PRRC2C: variants seen among roughly 807,000 people sequenced by gnomAD.
The protein encoded by PRRC2C is protein PRRC2C.
Under a neutral mutation model 317.2 loss-of-function variants are expected in PRRC2C, and 72 were observed. The ratio of observed to expected loss-of-function variants is 0.23; its 90% CI spans 0.19 to 0.28. The LOEUF (loss-of-function observed/expected upper bound fraction) is 0.28. Among genes scored for constraint, PRRC2C ranks in the 10% least tolerant of loss-of-function variants. The pLI, the probability that PRRC2C is intolerant of heterozygous loss-of-function variation, is 1.00. For missense variants in PRRC2C, 3,074 were observed against 3,459.7 expected, an observed-to-expected ratio of 0.89 and a Z score of 2.80; for synonymous variants, 1,296 against 1,205.9, an observed-to-expected ratio of 1.07 and a Z score of -1.55.
intron 18 of PRRC2C, among the ~76,000 whole-genome samples, chr1:171,552,559 T>G (rs1260863186): frequency 1.3e-5 from 2 of 152,216 alleles, no homozygotes; most frequent in African/African-American, 4.8e-5. Context: ...AAGAGAATGC[T>G]TCCAGTTTTT....
At chr1:171,579,206 CTT>C in intron 26 of PRRC2C, 146 bp from the exon 27 acceptor site, 3 of 1,111,576 alleles carry the variant, frequency 2.7e-6, no homozygotes, top group Non-Finnish European at 3.7e-6. Flanking sequence ...ACATTTGCAT[CTT>C]GTCACGTTTT....
chr1:171,504,007 A>C (rs1669682349), intron 1 of PRRC2C, among the ~76,000 whole-genome samples: 1 of 152,206 alleles, frequency 6.6e-6, no homozygotes, highest in East Asian at 1.9e-4. Context: ...CTCCCATGAC[A>C]TGTGGGAATT....
rs117742882 is a variant in PRRC2C, at chr1:171,550,679, C to G, written c.5127+439C>G. On this transcript the variant is annotated intron_variant, in intron 18 of 34. Transcript: ENST00000647382. The stretch of plus-strand genomic sequence containing the variant: ...TCCCTGCCCTGTGTGCAAGTGTTCT[C>G]GTTGTTCAGTTCCTACCTATGAGTG... Among the ~76,000 whole-genome samples, 49 of 145,892 alleles carry G rather than the reference C, an allele frequency of 3.4e-4. No homozygotes were observed. The East Asian group carries it at 8.8e-3, about 26-fold the overall frequency.
rs1203368045 is a variant in PRRC2C at position 171,593,436 on chromosome 1, C to A, written c.*1589C>A. The A allele has an allele frequency of 6.6e-6, 1 of 151,876 alleles. No homozygotes were observed. Among genetic ancestry groups the A allele is most frequent in the African/African-American group, 2.4e-5 (1 of 41,344 alleles). The allele number at this position is 151,876 out of a possible 1,614,324, so 9.4% of individuals were successfully genotyped here. A position where few individuals can be genotyped will look rare whatever the true frequency, so the allele number is the denominator to read the frequency against. On this transcript the variant is annotated 3_prime_UTR_variant, in exon 35 of 35. Transcript: ENST00000647382. Reference sequence around the variant, plus strand: ...TTTTTCCATTTGTACAGGGGTAACGCACTGTATTAAATATGTAAGGTCTTA... The same window carrying A: ...TTTTTCCATTTGTACAGGGGTAACGAACTGTATTAAATATGTAAGGTCTTA...
chr1:171,492,646 C>G (rs1299379842), intron 1 of PRRC2C, among the ~76,000 whole-genome samples: 2 of 152,092 alleles, frequency 1.3e-5, no homozygotes, highest in Non-Finnish European at 2.9e-5. Flanking sequence ...CCATGCTGAT[C>G]AGTAGTGGGA....
At chr1:171,531,814 T>A (rs1675944952) in intron 11 of PRRC2C, among the ~76,000 whole-genome samples, 1 of 152,244 alleles carries the variant, frequency 6.6e-6, no homozygotes. Context: ...GACTAATTTG[T>A]AGGAATTTCT....
chr1:171,531,868 C>T (rs533164047), intron 11 of PRRC2C, among the ~76,000 whole-genome samples: 1 of 152,336 alleles, frequency 6.6e-6, no homozygotes, highest in African/African-American at 2.4e-5. Flanking sequence ...GTCTTTTTCA[C>T]TTTGCTTCTT....
intron 25 of PRRC2C, 40 bp downstream of exon 25, chr1:171,575,168 T>C (rs1289159669): frequency 6.6e-7 from 1 of 1,509,124 alleles, no homozygotes; most frequent in Admixed American, 1.9e-5. Flanking sequence ...TATCTTACAT[T>C]ATTTAAAATT....
chr1:171,536,152 A>C lies in PRRC2C; in HGVS notation c.2167A>C (p.Met723Leu). Reference sequence around the variant, plus strand: ...ACCACACAGACCTCTTTATCAGCCTATGCAGCCTCATCCTCAGCATTTGGC... The same window carrying C: ...ACCACACAGACCTCTTTATCAGCCTCTGCAGCCTCATCCTCAGCATTTGGC... ...PPPHRPLYQP[M>L]QPHPQHLASM... is the part of the protein sequence containing the mutation. The change falls in exon 14 of 35, where the codon ATG (methionine) becomes CTG (leucine). Residue 723 changes from methionine to leucine, a missense_variant. Physicochemically the swap from Met to Leu is conservative, Grantham distance 15. Around this residue, in one of 11 missense-constraint regions of PRRC2C, gnomAD observed 1,320 missense variants for 1,395.7 expected, o/e 0.95. Coordinates refer to ENST00000647382, the MANE Select transcript of PRRC2C (RefSeq NM_001387844.1). 6.2e-7 allele frequency: 1 copy of C among 1,605,410 alleles called. No individual in the cohort carries two copies. Among genetic ancestry groups the C allele is most frequent in the Non-Finnish European group, 8.5e-7 (1 of 1,175,486 alleles).
intron 30 of PRRC2C, among the ~76,000 whole-genome samples, chr1:171,586,787 C>T (rs1270759224): frequency 6.6e-6 from 1 of 151,322 alleles, no homozygotes; most frequent in Non-Finnish European, 1.5e-5. Context: ...AGGGTTTCAC[C>T]ATGTTGGCCA....
chr1:171,527,748 T>C, intron 10 of PRRC2C, 43 bp from the exon 11 acceptor site: 1 of 1,504,060 alleles, frequency 6.6e-7, no homozygotes, highest in Non-Finnish European at 9.1e-7. Context: ...AGAGCAAGAC[T>C]GTCTCCAAAA....
In PRRC2C at chr1:171,587,088, T is replaced by C. The variant is rs780248498; in HGVS notation, c.7835T>C (p.Leu2612Pro). 11 of 1,612,064 alleles carry C rather than the reference T, an allele frequency of 6.8e-6. No individual in the cohort carries two copies. The highest frequency in any genetic ancestry group is 8.5e-6 in the Non-Finnish European group (10 of 1,179,158). Residue 2612 changes from leucine (L) to proline (P), a missense_variant, in exon 31 of 35, where the codon CTT becomes CCT. Around this residue, in one of 11 missense-constraint regions of PRRC2C, gnomAD observed 490 missense variants for 663.1 expected, o/e 0.74. Transcript: ENST00000647382. Reference protein sequence around the residue: ...GQPLIALPQTLQPPLQHTTPQ... With the variant: ...GQPLIALPQTPQPPLQHTTPQ... The stretch of plus-strand genomic sequence containing the variant: ...CCTCTAATTGCTTTGCCTCAGACTC[T>C]TCAGCCCCCATTACAGCATACCACT...
intron 23 of PRRC2C, among the ~76,000 whole-genome samples, chr1:171,568,701 A>G (rs1002361535): frequency 1.3e-5 from 2 of 152,208 alleles, no homozygotes; most frequent in Admixed American, 1.3e-4. Context: ...AAACCTTTTT[A>G]TAATTCAGTG....
At chr1:171,549,960 A>C (rs144008942) in intron 17 of PRRC2C, 126 bp from the exon 18 acceptor site, 5 of 656,070 alleles carry the variant, frequency 7.6e-6, no homozygotes, top group Non-Finnish European at 1.2e-5. Context: ...GTTATACACT[A>C]TAAGTTATAG....
At chr1:171,578,505 G>C (rs1057074495) in intron 26 of PRRC2C, among the ~76,000 whole-genome samples, 2 of 152,276 alleles carry the variant, frequency 1.3e-5, no homozygotes, top group African/African-American at 4.8e-5. Context: ...CTGCACTCCA[G>C]CCTGGCGGAG....
chr1:171,571,949 TTTAA>T (rs1354696428), intron 24 of PRRC2C, among the ~76,000 whole-genome samples: 2 of 152,150 alleles, frequency 1.3e-5, no homozygotes, highest in African/African-American at 4.8e-5. Flanking sequence ...TGGATAATTA[TTTAA>T]TAAGAGGACA....
Position 171,566,360 on chromosome 1 carries a change from T to C in PRRC2C, c.6245T>C (p.Ile2082Thr). The C allele has an allele frequency of 2.5e-6, 4 of 1,596,674 alleles. No homozygotes were observed. In the Middle Eastern group the frequency reaches 5.0e-4, roughly 198 times the overall value. The change falls in exon 21 of 35, where the codon ATA becomes ACA. Residue 2082 changes from isoleucine to threonine, a missense_variant. Coordinates refer to ENST00000647382, the MANE Select transcript of PRRC2C (RefSeq NM_001387844.1). ...PVLSEKSADK[I>T]PEPKEQRQKQ... ...CTTTCGGAAAAATCTGCTGACAAAA[T>C]ACCTGAACCTAAAGAACAGCGGCAG...
rs1223981092 is a variant in PRRC2C at position 171,524,968 on chromosome 1, T to G, written c.1200+3T>G. Reference sequence around the variant, plus strand: ...GGAAAGGACCTTCATTTAATCAGGTTTGTTGGACTCATGGAGATCCTTGTT... The same window carrying G: ...GGAAAGGACCTTCATTTAATCAGGTGTGTTGGACTCATGGAGATCCTTGTT... On this transcript the variant is annotated splice_donor_region_variant and intron_variant, in intron 10 of 34. Coordinates refer to ENST00000647382, the MANE Select transcript of PRRC2C (RefSeq NM_001387844.1). The G allele has an allele frequency of 6.3e-7, 1 of 1,594,348 alleles. No homozygotes were observed. The highest frequency in any genetic ancestry group is 1.1e-5 in the South Asian group (1 of 87,806).
chr1:171,550,466 C>T (rs1283079299), intron 18 of PRRC2C, among the ~76,000 whole-genome samples: 2 of 145,806 alleles, frequency 1.4e-5, no homozygotes, highest in African/African-American at 2.5e-5. Context: ...CAAAGACCAT[C>T]TTTTTTTTTT....
Sources: gnomAD v4.1 joint callset for allele counts (sites outside exome capture counted in the v4.1 genomes callset) on GRCh38, gnomAD v4.1.1 for gene constraint, gnomAD v4.1.1 regional missense constraint, MANE v1.5 for transcripts, NCBI Gene and HGNC (gene_info 2026-07-23, HGNC 2026-07-21) for gene names.